Variants in KCNH5 observed in about 807,000 individuals in gnomAD.
The protein encoded by KCNH5 is potassium voltage-gated channel subfamily H member 5, also known as voltage-gated delayed rectifier potassium channel KCNH5.
A neutral mutation model predicts 96.1 loss-of-function variants in KCNH5; 46 were observed. The observed-to-expected ratio is 0.48, with a 90% CI of 0.38 to 0.61. KCNH5 has a LOEUF of 0.61. Ranked by LOEUF, KCNH5 falls within the 20% of genes least tolerant of loss-of-function variation. The pLI is 0.00. For synonymous variants in KCNH5, 439 were observed against 449.8 expected (o/e 0.98, Z 0.30); for missense variants, 907 against 1,225.8 (o/e 0.74, Z 3.88).
intron 7 of KCNH5, among the ~76,000 whole-genome samples, chr14:62,905,607 T>C (rs1889011906): frequency 6.6e-6 from 1 of 152,186 alleles, no homozygotes; most frequent in African/African-American, 2.4e-5. Context: ...GCTAAATGTG[T>C]TCAATTGCTG....
At chr14:62,949,171 A>T (rs1361929147) in intron 7 of KCNH5, among the ~76,000 whole-genome samples, 2 of 151,844 alleles carry the variant, frequency 1.3e-5, no homozygotes, top group South Asian at 2.1e-4. Context: ...GCAATTAGGC[A>T]GGAGAAGGAA....
intron 8 of KCNH5, among the ~76,000 whole-genome samples, chr14:62,806,188 G>A (rs1886763254): frequency 6.6e-6 from 1 of 152,104 alleles, no homozygotes; most frequent in Admixed American, 6.6e-5. Context: ...GGTCTAAAAA[G>A]GGGAGGCATG....
intron 6 of KCNH5, among the ~76,000 whole-genome samples, chr14:62,965,984 C>G (rs1459074924): frequency 6.6e-6 from 1 of 152,016 alleles, no homozygotes; most frequent in African/African-American, 2.4e-5. Flanking sequence ...ATAATTTTTG[C>G]ACTGGTTTCC....
intron 10 of KCNH5, among the ~76,000 whole-genome samples, chr14:62,777,652 A>G (rs1029318810): frequency 1.3e-5 from 2 of 152,234 alleles, no homozygotes; most frequent in Non-Finnish European, 1.5e-5. Context: ...GACACCAGTT[A>G]TAACAGGAAA....
chr14:62,997,767 G>A (rs989396451), intron 4 of KCNH5, among the ~76,000 whole-genome samples: 2 of 151,710 alleles, frequency 1.3e-5, no homozygotes. Context: ...GGGCATGGTG[G>A]TGGGCGCCTG....
intron 8 of KCNH5, among the ~76,000 whole-genome samples, chr14:62,823,537 C>T (rs1264034527): frequency 2.0e-5 from 3 of 151,922 alleles, no homozygotes; most frequent in Non-Finnish European, 2.9e-5. Flanking sequence ...AATTATGATC[C>T]CCAAACCACT....
intron 4 of KCNH5, among the ~76,000 whole-genome samples, chr14:62,993,121 T>C (rs1251835105): frequency 6.6e-6 from 1 of 152,092 alleles, no homozygotes; most frequent in Non-Finnish European, 1.5e-5. Context: ...ATCAGTTGTC[T>C]GTAAATATGT....
Position 62,802,432 on chromosome 14 carries a change from G to C in KCNH5, c.1719C>G (p.Pro573=). Residue 573 remains proline, a synonymous_variant, in exon 9 of 11, where the codon CCC becomes CCG. Transcript: ENST00000322893. ...AVEFQTIHCA[P]GDLIYHAGES... is the part of the protein sequence containing the mutation. ...CTCCAGCATGGTAAATGAGGTCCCC[G>C]GGAGCACAGTGAATGGTTTGGAACT... 6.2e-7 allele frequency: 1 copy of C among 1,614,096 alleles called. No homozygotes were observed. The highest frequency in any genetic ancestry group is 8.5e-7 in the Non-Finnish European group (1 of 1,180,004).
At chr14:63,016,323 G>T (rs1390103329) in intron 2 of KCNH5, among the ~76,000 whole-genome samples, 1 of 151,914 alleles carries the variant, frequency 6.6e-6, no homozygotes, top group Non-Finnish European at 1.5e-5. Context: ...TAATATAAAT[G>T]TCAGATTCTG....
At chr14:62,714,362 C>G (rs984626346) in intron 10 of KCNH5, among the ~76,000 whole-genome samples, 20 of 152,110 alleles carry the variant, frequency 1.3e-4, no homozygotes, top group African/African-American at 4.6e-4. Flanking sequence ...TTCAACTTAA[C>G]ATAGTGGAAA....
chr14:63,008,485 C>G (rs1330974161), intron 2 of KCNH5, among the ~76,000 whole-genome samples: 1 of 151,784 alleles, frequency 6.6e-6, no homozygotes, highest in African/African-American at 2.4e-5. Context: ...TCAAGCCCAC[C>G]TTCTATAACA....
At chr14:62,887,232 G>C (rs964703331) in intron 7 of KCNH5, among the ~76,000 whole-genome samples, 2 of 152,090 alleles carry the variant, frequency 1.3e-5, no homozygotes, top group Admixed American at 6.6e-5. Flanking sequence ...AGTTTGTATG[G>C]TCTTTTTGGC....
At position 62,798,699 on chromosome 14, in the gene KCNH5, G is replaced by C. The variant is rs965421959; in HGVS notation, c.1822+3630C>G. On this transcript the variant is annotated intron_variant, in intron 9 of 10. Coordinates refer to ENST00000322893, the MANE Select transcript of KCNH5 (RefSeq NM_139318.5). ...GAAGCCATCCTCCAGTGTTAAAGGAGGTTATTTGTTGACTAAATTTTTTAT... is the reference window on the plus strand; with the variant it reads ...GAAGCCATCCTCCAGTGTTAAAGGACGTTATTTGTTGACTAAATTTTTTAT... Among the ~76,000 whole-genome samples, 3 of 152,068 alleles carry C rather than the reference G, an allele frequency of 2.0e-5. No homozygotes were observed. The South Asian group carries it at 6.2e-4, about 32-fold the overall frequency.
chr14:63,002,163 C>G (rs190640888), intron 3 of KCNH5, among the ~76,000 whole-genome samples: 5 of 152,122 alleles, frequency 3.3e-5, no homozygotes, highest in Admixed American at 2.0e-4. Context: ...GCCACTGCTG[C>G]CTACCTCCCT....
intron 8 of KCNH5, among the ~76,000 whole-genome samples, chr14:62,832,357 G>A (rs1262028050): frequency 2.6e-5 from 4 of 151,996 alleles, no homozygotes; most frequent in African/African-American, 4.8e-5. Flanking sequence ...GGTATCATGC[G>A]GTATTTGTCC....
At chr14:62,760,809 C>T (rs957893036) in intron 10 of KCNH5, among the ~76,000 whole-genome samples, 7 of 152,174 alleles carry the variant, frequency 4.6e-5, no homozygotes, top group African/African-American at 1.7e-4. Flanking sequence ...AATGCACCTC[C>T]CAGCTGGGGA....
chr14:62,898,836 G>T (rs1432943869), intron 7 of KCNH5, among the ~76,000 whole-genome samples: 1 of 152,076 alleles, frequency 6.6e-6, no homozygotes, highest in Non-Finnish European at 1.5e-5. Context: ...ATGCAGAATA[G>T]TTATATGTAA....
chr14:62,961,520 A>C (rs894461578), intron 6 of KCNH5, among the ~76,000 whole-genome samples: 1 of 152,252 alleles, frequency 6.6e-6, no homozygotes, highest in East Asian at 1.9e-4. Flanking sequence ...ATGCTGAGGG[A>C]ATGAGGTAAC....
At chr14:62,938,578 G>A (rs760165260) in intron 7 of KCNH5, among the ~76,000 whole-genome samples, 15 of 152,120 alleles carry the variant, frequency 9.9e-5, no homozygotes, top group Non-Finnish European at 2.1e-4. Context: ...CTTTCGGCCT[G>A]TGAAAAAACA....
Sources: allele counts gnomAD v4.1 joint callset (sites outside exome capture counted in the v4.1 genomes callset), GRCh38; gene constraint gnomAD v4.1.1; transcripts MANE v1.5; gene names NCBI Gene and HGNC (gene_info 2026-07-23, HGNC 2026-07-21).